Variants in MRPL1 observed in about 807,000 individuals in gnomAD.
MRPL1 encodes mitochondrial ribosomal protein L1.
A neutral mutation model predicts 38.0 loss-of-function variants in MRPL1; 28 were observed. The observed-to-expected ratio is 0.74, with a 90% CI of 0.55 to 1.01. The LOEUF is 1.01. Among genes scored for constraint, MRPL1 ranks in the 50% least tolerant of loss-of-function variants. MRPL1 has a pLI of 0.00. For synonymous variants in MRPL1, 123 were observed against 126.7 expected (o/e 0.97, Z 0.20); for missense variants, 358 against 389.8 (o/e 0.92, Z 0.69).
chr4:77,878,087 T>A (rs1289318947), intron 2 of MRPL1, among the ~76,000 whole-genome samples: 1 of 152,194 alleles, frequency 6.6e-6, no homozygotes, highest in Admixed American at 6.5e-5. Flanking sequence ...GTTTCTTACC[T>A]GCTTGCCTTT....
At chr4:77,866,198 C>T (rs1222167859) in intron 1 of MRPL1, among the ~76,000 whole-genome samples, 1 of 152,104 alleles carries the variant, frequency 6.6e-6, no homozygotes, top group Admixed American at 6.5e-5. Flanking sequence ...ATTACAGGCA[C>T]ATGCCACTGG....
Position 77,909,361 on chromosome 4 carries a change from A to C in MRPL1, c.766A>C (p.Lys256Gln). The stretch of plus-strand genomic sequence containing the variant: ...AGAAAGGGAGAACTTTCTCCAGACC[A>C]AAATAGCAACAGTAAGTTACAATGA... ...DEERENFLQT[K>Q]IATLDMSSDQ... is the part of the protein sequence containing the mutation. The change falls in exon 7 of 9, where the codon AAA (lysine) becomes CAA (glutamine). Residue 256 changes from lysine (K) to glutamine (Q), a missense_variant. Physicochemically the swap from Lys to Gln is moderately conservative, Grantham distance 53. Coordinates refer to ENST00000315567, the MANE Select transcript of MRPL1 (RefSeq NM_020236.4). The C allele has an allele frequency of 6.4e-7, 1 of 1,563,394 alleles. No individual in the cohort carries two copies. The highest frequency in any genetic ancestry group is 8.8e-7 in the Non-Finnish European group (1 of 1,138,764).
At chr4:77,931,923 G>A (rs527523646) in intron 7 of MRPL1, among the ~76,000 whole-genome samples, 3 of 152,212 alleles carry the variant, frequency 2.0e-5, no homozygotes, top group East Asian at 1.9e-4. Flanking sequence ...ACGCAGCGCT[G>A]TGAGGAGATG....
At position 77,868,537 on chromosome 4, in the gene MRPL1, G is replaced by A. The variant is rs1162442346; in HGVS notation, c.32-3207G>A. Among the ~76,000 whole-genome samples, 3 of 152,240 alleles carry A rather than the reference G, an allele frequency of 2.0e-5. No homozygotes were observed. In the South Asian group the frequency reaches 6.2e-4, roughly 32 times the overall value. On this transcript the variant is annotated intron_variant, in intron 1 of 8. Coordinates refer to ENST00000315567, the MANE Select transcript of MRPL1 (RefSeq NM_020236.4). ...ATTACCGGCATGAGCCACCACGCCC[G>A]ACCTGGATAATTATTTCTTTAGTTA...
intron 7 of MRPL1, among the ~76,000 whole-genome samples, chr4:77,911,368 T>C (rs1362981237): frequency 6.6e-6 from 1 of 152,184 alleles, no homozygotes; most frequent in Non-Finnish European, 1.5e-5. Context: ...AATACCATAG[T>C]GATTAAGACA....
intron 1 of MRPL1, among the ~76,000 whole-genome samples, chr4:77,864,309 C>T (rs1411248147): frequency 1.3e-5 from 2 of 152,092 alleles, no homozygotes; most frequent in Admixed American, 6.6e-5. Flanking sequence ...TTTTTTCTCA[C>T]ATTACTTGGC....
intron 6 of MRPL1, among the ~76,000 whole-genome samples, chr4:77,902,588 A>T (rs1274669628): frequency 6.6e-6 from 1 of 152,172 alleles, no homozygotes; most frequent in African/African-American, 2.4e-5. Context: ...CTGGTTCTTT[A>T]AAAAGTTCAA....
chr4:77,949,689 C>T, intron 7 of MRPL1, 108 bp from the exon 8 acceptor site: 1 of 666,780 alleles, frequency 1.5e-6, no homozygotes, highest in South Asian at 2.4e-5. Flanking sequence ...ACAGTAGGGT[C>T]ATTTACTAGA....
At chr4:77,946,033 G>C (rs1192181562) in intron 7 of MRPL1, among the ~76,000 whole-genome samples, 1 of 152,056 alleles carries the variant, frequency 6.6e-6, no homozygotes, top group Non-Finnish European at 1.5e-5. Flanking sequence ...CCAGGGTGGG[G>C]TTTTTTCCCC....
In MRPL1 at chr4:77,886,789, CTTTTTTTTT is replaced by C. The variant is rs71214375; in HGVS notation, c.487-418_487-410del. On this transcript the variant is annotated intron_variant, in intron 4 of 8. Coordinates refer to ENST00000315567, the MANE Select transcript of MRPL1 (RefSeq NM_020236.4). ...GCTCACTGCACCTGGTTTGCATTTT[CTTTTTTTTT>C]TTTTTTTTTTTTGAGATGGAGTCTC... Among the ~76,000 whole-genome samples, 298 of 90,506 alleles carry C rather than the reference CTTTTTTTTT, an allele frequency of 3.3e-3. 1 individual carries two copies. The highest frequency in any genetic ancestry group is 0.01 in the Middle Eastern group (1 of 100). 59.4% of individuals were successfully genotyped at this position (90,506 alleles called of 152,430 possible). A position where few individuals can be genotyped will look rare whatever the true frequency, so the allele number is the denominator to read the frequency against.
In MRPL1 at chr4:77,950,553, C is replaced by G. The variant is rs1049454292; in HGVS notation, c.859+675C>G. On this transcript the variant is annotated intron_variant, in intron 8 of 8. Coordinates refer to ENST00000315567, the MANE Select transcript of MRPL1 (RefSeq NM_020236.4). ...TAGGCTTACCATGATAAGAATTTGTCAGGTTTAGTTTTATAACCAAGTTTA... is the reference window on the plus strand; with the variant it reads ...TAGGCTTACCATGATAAGAATTTGTGAGGTTTAGTTTTATAACCAAGTTTA... Among the ~76,000 whole-genome samples the G allele has an allele frequency of 3.3e-5, 5 of 152,322 alleles. No homozygotes were observed. In the East Asian group the frequency reaches 9.7e-4, roughly 29 times the overall value.
intron 2 of MRPL1, among the ~76,000 whole-genome samples, chr4:77,874,185 A>G (rs1735343053): frequency 6.6e-6 from 1 of 152,004 alleles, no homozygotes; most frequent in African/African-American, 2.4e-5. Context: ...ACGGGGTTTC[A>G]CTATGTTGGC....
intron 1 of MRPL1, among the ~76,000 whole-genome samples, chr4:77,869,788 A>G (rs988436247): frequency 1.3e-5 from 2 of 152,016 alleles, no homozygotes; most frequent in African/African-American, 4.8e-5. Context: ...AGACAGTTTC[A>G]TCATCTTGGT....
At chr4:77,933,319 T>G (rs1460536489) in intron 7 of MRPL1, among the ~76,000 whole-genome samples, 1 of 152,122 alleles carries the variant, frequency 6.6e-6, no homozygotes, top group Non-Finnish European at 1.5e-5. Context: ...TTTTTCTCTG[T>G]CTTTGTCCTC....
chr4:77,897,431 T>A (rs1735943848), intron 6 of MRPL1, among the ~76,000 whole-genome samples: 1 of 152,234 alleles, frequency 6.6e-6, no homozygotes, highest in Non-Finnish European at 1.5e-5. Flanking sequence ...CTGTGATAGG[T>A]ACTGTGGCAT....
At chr4:77,924,331 G>T (rs910251103) in intron 7 of MRPL1, among the ~76,000 whole-genome samples, 1 of 152,040 alleles carries the variant, frequency 6.6e-6, no homozygotes, top group African/African-American at 2.4e-5. Flanking sequence ...TATTACATGG[G>T]AATTATCTTT....
chr4:77,945,672 G>C (rs1212030427), intron 7 of MRPL1, among the ~76,000 whole-genome samples: 3 of 152,100 alleles, frequency 2.0e-5, no homozygotes, highest in African/African-American at 7.2e-5. Context: ...GAATTTTACA[G>C]CTGGGTCTCT....
chr4:77,880,098 C>G (rs1735502076), intron 2 of MRPL1, among the ~76,000 whole-genome samples: 1 of 152,110 alleles, frequency 6.6e-6, no homozygotes. Flanking sequence ...GCCATCTCTG[C>G]CATAACAAAT....
chr4:77,882,031 C>T (rs909912537), intron 2 of MRPL1, among the ~76,000 whole-genome samples: 6 of 152,136 alleles, frequency 3.9e-5, no homozygotes, highest in African/African-American at 1.2e-4. Context: ...TCTCTTTTAC[C>T]GTTTTAGTTC....
Sources: allele counts gnomAD v4.1 joint callset (sites outside exome capture counted in the v4.1 genomes callset), GRCh38; gene constraint gnomAD v4.1.1; transcripts MANE v1.5; gene names NCBI Gene and HGNC (gene_info 2026-07-23, HGNC 2026-07-21).